The following ARID1B variants were observed in gnomAD, a reference collection of about 807,000 sequenced individuals.
ARID1B encodes the protein AT-rich interaction domain 1B.
In ARID1B, 30 loss-of-function variants were observed where a neutral mutation model predicts 212.3. The observed-to-expected ratio is 0.14, with a 90% CI of 0.11 to 0.19. ARID1B has a LOEUF of 0.19. ARID1B is among the 10% of genes least tolerant of loss of function. The pLI is 1.00. For missense variants in ARID1B, 2,891 were observed against 3,204.0 expected (o/e 0.90, Z 2.36); for synonymous variants, 1,402 against 1,301.7 (o/e 1.08, Z -1.66).
At chr6:156,868,317 A>G (rs1018862059) in intron 2 of ARID1B, among the ~76,000 whole-genome samples, 7 of 152,248 alleles carry the variant, frequency 4.6e-5, no homozygotes, top group African/African-American at 1.7e-4. Context: ...TTGTTATCAC[A>G]TGAGGATAAA....
At position 157,094,235 on chromosome 6, in the gene ARID1B, A is replaced by G. The variant is rs1785466058; in HGVS notation, c.2491+9330A>G. Among the ~76,000 whole-genome samples the G allele has an allele frequency of 2.0e-5, 3 of 152,330 alleles. No individual in the cohort carries two copies. Among genetic ancestry groups the G allele is most frequent in the South Asian group, 4.1e-4 (2 of 4,830 alleles). ...TTGTGCTTAGTGTGTTGGGCGGCGA[A>G]CACCAGGAAATCAGTGTAGCCACAG... On this transcript the variant is annotated intron_variant, in intron 5 of 19. Transcript: ENST00000636930. The surrounding 1 kb of genome is among the most constrained non-coding windows in gnomAD (Gnocchi z 4.3).
At chr6:157,038,234 G>A (rs144188848) in intron 4 of ARID1B, among the ~76,000 whole-genome samples, 31 of 152,274 alleles carry the variant, frequency 2.0e-4, no homozygotes, top group African/African-American at 6.7e-4. Flanking sequence ...AGTTTGGGAG[G>A]ATAGGAAGGT....
intron 4 of ARID1B, among the ~76,000 whole-genome samples, chr6:157,050,714 C>T (rs1320888316): frequency 1.3e-5 from 2 of 152,082 alleles, no homozygotes; most frequent in African/African-American, 2.4e-5. Context: ...TTCATATGAG[C>T]CCTGTAATAG....
intron 4 of ARID1B, among the ~76,000 whole-genome samples, chr6:156,960,387 A>G (rs1358837338): frequency 1.3e-5 from 2 of 152,172 alleles, no homozygotes; most frequent in Non-Finnish European, 2.9e-5. Flanking sequence ...TAAGGGAATT[A>G]TTGTCCTTAA....
At chr6:157,126,667 A>G (rs1290896356) in intron 6 of ARID1B, among the ~76,000 whole-genome samples, 2 of 152,168 alleles carry the variant, frequency 1.3e-5, no homozygotes, top group Admixed American at 6.6e-5. Flanking sequence ...TATCATGTAG[A>G]TAATATCTAA....
rs1779078039 is a variant in ARID1B, at chr6:156,779,722, G to C, written c.1791+251G>C. On this transcript the variant is annotated intron_variant, in intron 1 of 19. Transcript: ENST00000636930. ...CGGGTGGCTTCTACCCCGCCGGCCC[G>C]CACCCGCGTCCCCCCCCTCCCCCAG... 3.1e-5 allele frequency: 5 copies of C among 162,732 alleles called. No homozygotes were observed. In the Admixed American group the frequency reaches 3.2e-4, roughly 11 times the overall value. The allele number at this position is 162,732 out of a possible 1,614,324, so 10.1% of individuals were successfully genotyped here. A position where few individuals can be genotyped will look rare whatever the true frequency, so the allele number is the denominator to read the frequency against.
intron 2 of ARID1B, among the ~76,000 whole-genome samples, chr6:156,845,104 G>C (rs915054695): frequency 5.4e-4 from 21 of 38,844 alleles, no homozygotes; most frequent in Non-Finnish European, 1.2e-3. Context: ...CTTCAGCCGG[G>C]GATGCATTCA....
chr6:157,050,746 C>T (rs540025883), intron 4 of ARID1B, among the ~76,000 whole-genome samples: 1 of 152,262 alleles, frequency 6.6e-6, no homozygotes, highest in African/African-American at 2.4e-5. Flanking sequence ...ACATCATACT[C>T]ATAAAATGAC....
In ARID1B at chr6:157,005,152, T is replaced by C. The variant is rs550142760; in HGVS notation, c.2247+69576T>C. ...TGTTTTTTGTTGTTGTTGTTGTTGT[T>C]GTTGTTGTTGTTGTTTGGAGAGATG... is the stretch of plus-strand genomic sequence containing the variant. On this transcript the variant is annotated intron_variant, in intron 4 of 19. Coordinates refer to ENST00000636930, the MANE Select transcript of ARID1B (RefSeq NM_001374828.1). Among the ~76,000 whole-genome samples the C allele has an allele frequency of 3.0e-3, 452 of 151,362 alleles. 1 individual carries two copies. Among genetic ancestry groups the C allele is most frequent in the Non-Finnish European group, 5.3e-3 (362 of 67,770 alleles).
intron 4 of ARID1B, among the ~76,000 whole-genome samples, chr6:157,045,833 A>G (rs1446078133): frequency 6.6e-6 from 1 of 152,174 alleles, no homozygotes; most frequent in East Asian, 1.9e-4. Context: ...TATTGACTCA[A>G]ACTTAAAATT....
chr6:156,949,363 A>C (rs992760072), intron 4 of ARID1B, among the ~76,000 whole-genome samples: 6 of 152,226 alleles, frequency 3.9e-5, no homozygotes, highest in Admixed American at 3.9e-4. Context: ...TACTCCACCT[A>C]GAGTACTTTG....
chr6:157,004,890 C>CTTTTTTTTTTTTTT (rs1779118895), intron 4 of ARID1B, among the ~76,000 whole-genome samples: 2 of 35,688 alleles, frequency 5.6e-5, no homozygotes, highest in African/African-American at 1.3e-4. Context: ...TTTTCTTCTT[C>CTTTTTTTTTTTTTT]TTTTTTCTTT....
At chr6:157,084,006 T>C (rs976659234) in intron 4 of ARID1B, among the ~76,000 whole-genome samples, 2 of 151,734 alleles carry the variant, frequency 1.3e-5, no homozygotes, top group African/African-American at 4.8e-5. Flanking sequence ...TGGTGGCAGG[T>C]GCCTGTAATC....
chr6:157,156,360 A>G (rs1790575305), intron 8 of ARID1B, among the ~76,000 whole-genome samples: 1 of 152,190 alleles, frequency 6.6e-6, no homozygotes, highest in Non-Finnish European at 1.5e-5. Context: ...CTACGCTTTA[A>G]TTTTTAGCCC....
At chr6:157,174,608 C>T (rs1207222860) in intron 10 of ARID1B, among the ~76,000 whole-genome samples, 1 of 150,762 alleles carries the variant, frequency 6.6e-6, no homozygotes, top group Non-Finnish European at 1.5e-5. Context: ...AGCATGGTGG[C>T]GTACTGGCCT....
intron 1 of ARID1B, among the ~76,000 whole-genome samples, chr6:156,818,535 C>G (rs1782133683): frequency 6.6e-6 from 1 of 152,062 alleles, no homozygotes; most frequent in South Asian, 2.1e-4. Context: ...CACTAAACAT[C>G]TTTTGAATGG....
chr6:157,002,597 C>T (rs1259431210), intron 4 of ARID1B, among the ~76,000 whole-genome samples: 3 of 152,190 alleles, frequency 2.0e-5, no homozygotes, highest in Admixed American at 2.0e-4. Flanking sequence ...TACATTTGTC[C>T]TTGGGAAATG....
intron 13 of ARID1B, chr6:157,184,974 A>T (rs1465654312): frequency 6.1e-6 from 1 of 162,686 alleles, no homozygotes; most frequent in Non-Finnish European, 1.3e-5. Flanking sequence ...CGTGGTAAGG[A>T]TCCACACGGC....
chr6:157,080,604 A>G (rs1019298119), intron 4 of ARID1B, among the ~76,000 whole-genome samples: 16 of 152,226 alleles, frequency 1.1e-4, no homozygotes, highest in Admixed American at 8.5e-4. Flanking sequence ...GCCTGCCCCA[A>G]CATAGAGAAT....
Sources: gnomAD v4.1 joint callset for allele counts (sites outside exome capture counted in the v4.1 genomes callset) on GRCh38, gnomAD v4.1.1 for gene constraint, Gnocchi (gnomAD v3.1) non-coding constraint, MANE v1.5 for transcripts, NCBI Gene and HGNC (gene_info 2026-07-23, HGNC 2026-07-21) for gene names.